The following MRRF variants were observed in gnomAD, a reference collection of about 807,000 sequenced individuals.
The protein encoded by MRRF is mitochondrial ribosome recycling factor, also known as ribosome-recycling factor, mitochondrial.
In MRRF, 18 loss-of-function variants were observed where a neutral mutation model predicts 25.1. The observed-to-expected ratio is 0.72, with a 90% CI of 0.50 to 1.06. MRRF has a LOEUF of 1.06. Ranked by LOEUF, MRRF falls within the 50% of genes least tolerant of loss-of-function variation. The probability of loss-of-function intolerance (pLI) is 0.00; values close to 1 mark genes in which losing one functional copy is unlikely to be tolerated. For missense variants in MRRF, 323 were observed against 319.3 expected (o/e 1.01, Z -0.09); for synonymous variants, 113 against 112.1 (o/e 1.01, Z -0.05).
At chr9:122,284,870 A>G (rs1833289046) in intron 3 of MRRF, among the ~76,000 whole-genome samples, 1 of 152,014 alleles carries the variant, frequency 6.6e-6, no homozygotes. Context: ...TGTAACCTCT[A>G]CCTCTTGGGT....
chr9:122,286,603 C>T (rs1355951770), intron 4 of MRRF, among the ~76,000 whole-genome samples: 1 of 152,070 alleles, frequency 6.6e-6, no homozygotes, highest in Non-Finnish European at 1.5e-5. Context: ...GTGCTAGCTA[C>T]TCAGGAAACT....
At chr9:122,272,576 G>A (rs531501632) in intron 2 of MRRF, among the ~76,000 whole-genome samples, 3 of 152,268 alleles carry the variant, frequency 2.0e-5, no homozygotes, top group Admixed American at 2.0e-4. Context: ...GAAGTGGAAG[G>A]ATGGCTTGAG....
intron 4 of MRRF, chr9:122,285,597 C>A (rs575846762): frequency 2.6e-5 from 12 of 454,738 alleles, no homozygotes; most frequent in South Asian, 1.9e-4. Flanking sequence ...AGAGCCTGTA[C>A]CTTGTGTGAG....
chr9:122,330,499 C>G lies in MRRF; in HGVS notation c.*7882C>G, dbSNP rs1400161574. 1.3e-5 allele frequency: 2 copies of G among 152,256 alleles called. No individual in the cohort carries two copies. Among genetic ancestry groups the G allele is most frequent in the Admixed American group, 1.3e-4 (2 of 15,282 alleles). The allele number at this position is 152,256 out of a possible 1,614,324, so 9.4% of individuals were successfully genotyped here. ...CTCCCTTCTTCCAAGACACTACTCC[C>G]CAGGCCTCCTCTTCCTGATAATAAT... On this transcript the variant is annotated 3_prime_UTR_variant, in exon 7 of 7. Transcript: ENST00000344641. The surrounding 1 kb of genome is among the most constrained non-coding windows in gnomAD (Gnocchi z 4.2).
intron 3 of MRRF, among the ~76,000 whole-genome samples, chr9:122,281,101 A>C (rs1238526949): frequency 6.6e-6 from 1 of 152,212 alleles, no homozygotes; most frequent in South Asian, 2.1e-4. Flanking sequence ...AGACCTGCCC[A>C]CGTGAGGCAT....
At chr9:122,296,847 T>G (rs1312578381) in intron 5 of MRRF, among the ~76,000 whole-genome samples, 4 of 152,208 alleles carry the variant, frequency 2.6e-5, no homozygotes, top group Non-Finnish European at 5.9e-5. Context: ...GGTTTGAGAT[T>G]GCTGAGTTCA....
At chr9:122,286,276 G>C (rs548142368) in intron 4 of MRRF, 1 of 1,107,148 alleles carries the variant, frequency 9.0e-7, no homozygotes, top group Non-Finnish European at 1.2e-6. Flanking sequence ...ATAGGAGAAA[G>C]GGAAAGCCCT....
chr9:122,311,317 G>A (rs1835193238), intron 5 of MRRF, among the ~76,000 whole-genome samples: 1 of 152,082 alleles, frequency 6.6e-6, no homozygotes, highest in African/African-American at 2.4e-5. Flanking sequence ...CCCTCCCTGT[G>A]TCCAGCATGG....
chr9:122,292,012 G>A (rs1038666617), intron 5 of MRRF, among the ~76,000 whole-genome samples, 172 bp downstream of exon 5: 5 of 152,156 alleles, frequency 3.3e-5, no homozygotes, highest in African/African-American at 1.2e-4. Context: ...CTTATTGAGC[G>A]CCTGTTATGT....
rs34107230 is a variant in MRRF at position 122,303,286 on chromosome 9, TTA to T, written c.552-9925_552-9924del. Among the ~76,000 whole-genome samples, 1,231 of 148,374 alleles carry T rather than the reference TTA, an allele frequency of 8.3e-3. 12 individuals are homozygous for T. Among genetic ancestry groups the T allele is most frequent in the African/African-American group, 0.028 (1,150 of 40,690 alleles). On this transcript the variant is annotated intron_variant, in intron 5 of 6. Coordinates refer to ENST00000344641, the MANE Select transcript of MRRF (RefSeq NM_138777.5). ...GAATATGCAAACCTAAATAAATATA[TTA>T]TATATATATATATATTTAGTTTACA...
chr9:122,305,410 CAA>C (rs371802454), intron 5 of MRRF, among the ~76,000 whole-genome samples: 19 of 65,714 alleles, frequency 2.9e-4, no homozygotes, highest in Admixed American at 1.3e-3. Context: ...AGACTCATCT[CAA>C]AAAAAAAAAA....
chr9:122,275,528 A>C (rs1281949990), intron 2 of MRRF, among the ~76,000 whole-genome samples: 2 of 152,114 alleles, frequency 1.3e-5, no homozygotes, highest in African/African-American at 4.8e-5. Flanking sequence ...CCAGCTATTC[A>C]GGATGCTGAG....
At chr9:122,276,347 G>A (rs1324584314) in intron 2 of MRRF, among the ~76,000 whole-genome samples, 1 of 152,196 alleles carries the variant, frequency 6.6e-6, no homozygotes, top group Non-Finnish European at 1.5e-5. Context: ...CTGGAGTGCA[G>A]TGGCACAATC....
chr9:122,266,750 G>T (rs1026905946), intron 1 of MRRF, among the ~76,000 whole-genome samples: 4 of 152,174 alleles, frequency 2.6e-5, no homozygotes, highest in Non-Finnish European at 5.9e-5. Flanking sequence ...CAGGGAAATC[G>T]TTTGAGACCC....
At chr9:122,312,637 G>C (rs1835275965) in intron 5 of MRRF, among the ~76,000 whole-genome samples, 1 of 152,192 alleles carries the variant, frequency 6.6e-6, no homozygotes. Context: ...TGGCTTTTGT[G>C]ACAGGCCAGC....
chr9:122,295,359 C>T (rs1036810439), intron 5 of MRRF, among the ~76,000 whole-genome samples: 3 of 151,642 alleles, frequency 2.0e-5, no homozygotes, highest in East Asian at 3.9e-4. Flanking sequence ...ATTGACAAAG[C>T]GGTGAGGAGG....
intron 3 of MRRF, among the ~76,000 whole-genome samples, chr9:122,281,760 C>T (rs894466876): frequency 1.3e-5 from 2 of 152,194 alleles, no homozygotes; most frequent in African/African-American, 4.8e-5. Context: ...CAGCAAGCTC[C>T]ACTCTTGTTG....
chr9:122,309,501 T>C (rs1228524914), intron 5 of MRRF, among the ~76,000 whole-genome samples: 1 of 152,196 alleles, frequency 6.6e-6, no homozygotes, highest in Non-Finnish European at 1.5e-5. Context: ...CCCCCAACTC[T>C]TAGGCAACTT....
intron 3 of MRRF, among the ~76,000 whole-genome samples, chr9:122,283,812 G>C (rs1833221957): frequency 6.6e-6 from 1 of 152,098 alleles, no homozygotes. Flanking sequence ...CATTTGCATG[G>C]GAAATAAGGG....
Sources: allele counts gnomAD v4.1 joint callset (sites outside exome capture counted in the v4.1 genomes callset), GRCh38; gene constraint gnomAD v4.1.1; non-coding constraint Gnocchi (gnomAD v3.1); transcripts MANE v1.5; gene names NCBI Gene and HGNC (gene_info 2026-07-23, HGNC 2026-07-21).